The following DPP10 variants were observed in gnomAD, a reference collection of about 807,000 sequenced individuals.
The protein encoded by DPP10 is inactive dipeptidyl peptidase 10.
DPP10 carries 33 observed loss-of-function variants against 120.9 expected under a neutral mutation model. The ratio of observed to expected loss-of-function variants is 0.27; its 90% CI spans 0.21 to 0.37. DPP10 has a LOEUF of 0.37. Among genes scored for constraint, DPP10 ranks in the 10% least tolerant of loss-of-function variants. DPP10 has a pLI of 1.00. For synonymous variants in DPP10, 337 were observed against 326.1 expected (o/e 1.03, Z -0.36); for missense variants, 816 against 942.8 (o/e 0.87, Z 1.76).
intron 10 of DPP10, 57 bp from the exon 11 acceptor site, chr2:115,753,117 G>T: frequency 6.6e-7 from 1 of 1,505,840 alleles, no homozygotes; most frequent in South Asian, 1.3e-5. Flanking sequence ...GTATATTGTT[G>T]GTACTATATC....
At position 115,310,779 on chromosome 2, in the gene DPP10, C is replaced by T. The variant is rs933897588; in HGVS notation, c.175+1426C>T. Among the ~76,000 whole-genome samples, 5 of 152,234 alleles carry T rather than the reference C, an allele frequency of 3.3e-5. 1 individual carries two copies. The highest frequency in any genetic ancestry group is 1.2e-4 in the African/African-American group (5 of 41,536). ...TTTCACTTAAACACAAGAAGTTTAA[C>T]ATAATTATAAAAAAAGAATGAGTCG... On this transcript the variant is annotated intron_variant, in intron 2 of 25. Coordinates refer to ENST00000410059, the MANE Select transcript of DPP10 (RefSeq NM_020868.6).
chr2:115,612,953 TAAATC>T (rs2084224427), intron 5 of DPP10, among the ~76,000 whole-genome samples: 2 of 152,112 alleles, frequency 1.3e-5, no homozygotes, highest in Non-Finnish European at 2.9e-5. Flanking sequence ...GCAGGGTTGA[TAAATC>T]AATTGTATAA....
chr2:115,530,056 CT>C (rs2078368066), intron 5 of DPP10, among the ~76,000 whole-genome samples: 2 of 151,724 alleles, frequency 1.3e-5, no homozygotes, highest in Admixed American at 6.6e-5. Flanking sequence ...TTCTTATGGT[CT>C]TTTTTTTCTT....
chr2:114,447,086 TC>T (rs1281240438), intron 1 of DPP10, among the ~76,000 whole-genome samples: 2 of 144,606 alleles, frequency 1.4e-5, no homozygotes, highest in African/African-American at 5.1e-5. Flanking sequence ...AACCTCCGCC[TC>T]CCAGTTTCAA....
chr2:114,824,339 T>A (rs1439179791), intron 1 of DPP10, among the ~76,000 whole-genome samples: 2 of 152,242 alleles, frequency 1.3e-5, no homozygotes, highest in African/African-American at 4.8e-5. Context: ...CACTGGGCTG[T>A]GTGCCTTTGA....
At chr2:115,094,924 G>A (rs7574885) in intron 1 of DPP10, among the ~76,000 whole-genome samples, 120,776 of 152,132 alleles carry the variant, frequency 0.79, 48,691 homozygotes, top group Non-Finnish European at 0.88. Flanking sequence ...AAAACTATTT[G>A]TAACTCACAA....
Position 114,741,598 on chromosome 2 carries a change from T to A in DPP10, c.60+298760T>A, listed in dbSNP as rs1429874613. On this transcript the variant is annotated intron_variant, in intron 1 of 25. Transcript: ENST00000410059. ...TTTTGAAATTCTAACACTTGGTACC[T>A]ATAAATATGACCTTATTTGGAAATA... 5.3e-5 allele frequency among the ~76,000 whole-genome samples: 8 copies of A among 152,200 alleles called. No individual in the cohort carries two copies. The East Asian group carries it at 1.5e-3, about 29-fold the overall frequency.
chr2:114,477,709 G>GTA (rs567750292), intron 1 of DPP10, among the ~76,000 whole-genome samples: 1,717 of 110,344 alleles, frequency 0.016, 17 homozygotes, highest in African/African-American at 0.039. Context: ...ATGTGTGTGT[G>GTA]TATATATATA....
intron 1 of DPP10, among the ~76,000 whole-genome samples, chr2:114,518,992 T>C (rs770148742): frequency 8.5e-5 from 13 of 152,310 alleles, no homozygotes; most frequent in Non-Finnish European, 1.5e-4. Context: ...GGCTTTAACT[T>C]AAGACACTGT....
intron 5 of DPP10, among the ~76,000 whole-genome samples, chr2:115,572,266 A>G (rs1308063077): frequency 6.6e-6 from 1 of 151,838 alleles, no homozygotes; most frequent in Non-Finnish European, 1.5e-5. Context: ...GCAAGATATT[A>G]TGTGCCTTTT....
chr2:115,570,012 T>C (rs1216557838), intron 5 of DPP10, among the ~76,000 whole-genome samples: 1 of 152,214 alleles, frequency 6.6e-6, no homozygotes, highest in Admixed American at 6.5e-5. Context: ...GTGATTGAAA[T>C]TACCTTACGG....
At chr2:115,074,956 T>C (rs1406965977) in intron 1 of DPP10, among the ~76,000 whole-genome samples, 1 of 152,134 alleles carries the variant, frequency 6.6e-6, no homozygotes, top group Non-Finnish European at 1.5e-5. Context: ...CTTGAATACA[T>C]TGAGTTTGAG....
chr2:115,603,291 G>A (rs971392869), intron 5 of DPP10, among the ~76,000 whole-genome samples: 1 of 151,816 alleles, frequency 6.6e-6, no homozygotes, highest in African/African-American at 2.4e-5. Context: ...ACAAGGATCT[G>A]TGAATTGTGA....
At chr2:114,940,567 A>T (rs1313555919) in intron 1 of DPP10, among the ~76,000 whole-genome samples, 1 of 152,124 alleles carries the variant, frequency 6.6e-6, no homozygotes, top group Non-Finnish European at 1.5e-5. Context: ...AAAAAAAAAA[A>T]AAAAATGGTG....
At chr2:114,697,131 G>A (rs1309374555) in intron 1 of DPP10, among the ~76,000 whole-genome samples, 1 of 151,942 alleles carries the variant, frequency 6.6e-6, no homozygotes, top group African/African-American at 2.4e-5. Flanking sequence ...CTTTTTCATA[G>A]GAATATTGTT....
At chr2:115,091,784 C>CT (rs1290601064) in intron 1 of DPP10, among the ~76,000 whole-genome samples, 1 of 152,198 alleles carries the variant, frequency 6.6e-6, no homozygotes, top group Non-Finnish European at 1.5e-5. Context: ...TTTCTCTCCT[C>CT]TGAGTGTCCA....
chr2:115,307,159 G>T (rs928585288), intron 1 of DPP10, among the ~76,000 whole-genome samples: 1 of 151,940 alleles, frequency 6.6e-6, no homozygotes, highest in African/African-American at 2.4e-5. Context: ...TTATTTTGAG[G>T]ATTATGTGAG....
chr2:115,115,083 T>G (rs1301404268), intron 1 of DPP10, among the ~76,000 whole-genome samples: 1 of 151,948 alleles, frequency 6.6e-6, no homozygotes, highest in Non-Finnish European at 1.5e-5. Context: ...ATGACCGATA[T>G]GTGTGTGCAC....
intron 1 of DPP10, among the ~76,000 whole-genome samples, chr2:114,695,627 A>G (rs747922345): frequency 5.9e-5 from 9 of 152,130 alleles, no homozygotes; most frequent in African/African-American, 2.4e-5. Context: ...ACACTAAGAA[A>G]TAGAAGAATA....
Sources: allele counts gnomAD v4.1 joint callset (sites outside exome capture counted in the v4.1 genomes callset), GRCh38; gene constraint gnomAD v4.1.1; transcripts MANE v1.5; gene names NCBI Gene and HGNC (gene_info 2026-07-23, HGNC 2026-07-21).